The following NXPE2 variants were observed in gnomAD, a reference collection of about 807,000 sequenced individuals.
NXPE2 encodes neurexophilin and PC-esterase domain family member 2, also known as NXPE family member 2.
A neutral mutation model predicts 34.4 loss-of-function variants in NXPE2; 34 were observed. The ratio of observed to expected loss-of-function variants is 0.99; its 90% CI spans 0.75 to 1.31. NXPE2 has a LOEUF of 1.31. Ranked by LOEUF, NXPE2 falls within the 40% of genes most tolerant of loss-of-function variation. The pLI is 0.00. For missense variants in NXPE2, 649 were observed against 672.5 expected (o/e 0.97, Z 0.39); for synonymous variants, 235 against 231.3 (o/e 1.02, Z -0.15).
At chr11:114,807,545 G>A in the NXPE2 span, among the ~76,000 whole-genome samples, 1 of 151,548 alleles carries the variant, frequency 6.6e-6, no homozygotes, top group African/African-American at 2.4e-5. Context: ...TGCAATCCTA[G>A]TCTCTGATAA....
At chr11:114,731,238 A>G in the NXPE2 span, among the ~76,000 whole-genome samples, 1 of 152,204 alleles carries the variant, frequency 6.6e-6, no homozygotes, top group African/African-American at 2.4e-5. Context: ...AATGCTGGTG[A>G]GGATGTAAAG....
the NXPE2 span, among the ~76,000 whole-genome samples, chr11:114,725,263 G>A: frequency 2.6e-5 from 4 of 152,214 alleles, no homozygotes; most frequent in East Asian, 5.8e-4. Flanking sequence ...TTGTTAACAA[G>A]TGTGTTGTAA....
At chr11:114,571,495 C>A in the NXPE2 span, 6,370 of 1,559,018 alleles carry the variant, frequency 4.1e-3, 232 homozygotes, top group African/African-American at 0.076. Flanking sequence ...TAGGCAATCC[C>A]AAAATAAAAG....
the NXPE2 span, among the ~76,000 whole-genome samples, chr11:114,475,226 G>GTTTTTTTTTTTTTTTTTTTT: frequency 4.5e-5 from 4 of 88,056 alleles, 1 homozygote; most frequent in Non-Finnish European, 6.6e-5. Flanking sequence ...AATGTGAACT[G>GTTTTTTTTTTTTTTTTTTTT]TTTTTTTTTT....
the NXPE2 span, among the ~76,000 whole-genome samples, chr11:114,794,770 A>C: frequency 6.6e-6 from 1 of 152,026 alleles, no homozygotes; most frequent in Non-Finnish European, 1.5e-5. Context: ...TTTGTGTTCT[A>C]TTCTTCCCAA....
chr11:114,586,528 G>A, the NXPE2 span, among the ~76,000 whole-genome samples: 1 of 152,222 alleles, frequency 6.6e-6, no homozygotes, highest in Non-Finnish European at 1.5e-5. Flanking sequence ...GGACAGGCTT[G>A]CCAGGGAGAA....
At chr11:114,737,257 C>T in the NXPE2 span, among the ~76,000 whole-genome samples, 2 of 152,130 alleles carry the variant, frequency 1.3e-5, no homozygotes, top group Non-Finnish European at 1.5e-5. Flanking sequence ...ACCCCAATCC[C>T]ATTTCTACTG....
the NXPE2 span, among the ~76,000 whole-genome samples, chr11:114,745,668 G>A: frequency 2.5e-4 from 38 of 151,914 alleles, no homozygotes; most frequent in Admixed American, 7.2e-4. Context: ...TTTACATCTC[G>A]TAAGTATGAA....
At chr11:114,568,792 A>G in the NXPE2 span, among the ~76,000 whole-genome samples, 162 of 152,298 alleles carry the variant, frequency 1.1e-3, no homozygotes, top group Non-Finnish European at 1.6e-3. Flanking sequence ...CCGTTACCCT[A>G]TCACTGATGT....
the NXPE2 span, among the ~76,000 whole-genome samples, chr11:114,760,809 A>AC: frequency 6.6e-6 from 1 of 152,016 alleles, no homozygotes; most frequent in African/African-American, 2.4e-5. Context: ...TGAAATTTCA[A>AC]CCCCCCAAAC....
chr11:114,588,304 A>C, the NXPE2 span, among the ~76,000 whole-genome samples: 1 of 152,168 alleles, frequency 6.6e-6, no homozygotes, highest in Non-Finnish European at 1.5e-5. Flanking sequence ...TGATGTCACT[A>C]GGGTTCCCTT....
chr11:114,659,413 A>G, the NXPE2 span, among the ~76,000 whole-genome samples: 1 of 141,298 alleles, frequency 7.1e-6, no homozygotes, highest in Non-Finnish European at 1.6e-5. Context: ...GGATAGGTCA[A>G]TGAAAATTAT....
At chr11:114,729,401 T>A in the NXPE2 span, among the ~76,000 whole-genome samples, 1 of 152,174 alleles carries the variant, frequency 6.6e-6, no homozygotes, top group African/African-American at 2.4e-5. Context: ...GGTAGAATAA[T>A]TCATTTTCTT....
chr11:114,535,568 A>C, the NXPE2 span, among the ~76,000 whole-genome samples: 872 of 152,336 alleles, frequency 5.7e-3, 3 homozygotes, highest in Non-Finnish European at 7.8e-3. Context: ...CATAGGCTCA[A>C]AATAAAGGGA....
the NXPE2 span, among the ~76,000 whole-genome samples, chr11:114,637,286 C>T: frequency 2.6e-5 from 4 of 151,676 alleles, no homozygotes; most frequent in Non-Finnish European, 5.9e-5. Flanking sequence ...GGATTGCAAT[C>T]CCTGCATTTT....
chr11:114,782,334 T>C, the NXPE2 span, among the ~76,000 whole-genome samples: 1 of 152,212 alleles, frequency 6.6e-6, no homozygotes, highest in African/African-American at 2.4e-5. Flanking sequence ...AATGAATCTG[T>C]GCTGCCCAGC....
At chr11:114,553,971 T>C in the NXPE2 span, 2 of 985,462 alleles carry the variant, frequency 2.0e-6, no homozygotes, top group Non-Finnish European at 2.4e-6. Context: ...CCCCTGCTCA[T>C]AGGAATCTCA....
chr11:114,795,690 A>T, the NXPE2 span, among the ~76,000 whole-genome samples: 1 of 152,184 alleles, frequency 6.6e-6, no homozygotes, highest in Non-Finnish European at 1.5e-5. Flanking sequence ...TTTTCCAGTT[A>T]GGATGGTGCC....
the NXPE2 span, among the ~76,000 whole-genome samples, chr11:114,618,374 G>C: frequency 0.16 from 24,835 of 151,972 alleles, 2,563 homozygotes; most frequent in Non-Finnish European, 0.22. Flanking sequence ...TGCCTCATGG[G>C]TAGTCACTGT....
Sources: gnomAD v4.1 joint callset for allele counts (sites outside exome capture counted in the v4.1 genomes callset) on GRCh38, gnomAD v4.1.1 for gene constraint, MANE v1.5 for transcripts, NCBI Gene and HGNC (gene_info 2026-07-23, HGNC 2026-07-21) for gene names.